The following KCNH7 variants were observed in gnomAD, a reference collection of about 807,000 sequenced individuals.
KCNH7 encodes potassium voltage-gated channel subfamily H member 7.
A neutral mutation model predicts 120.8 loss-of-function variants in KCNH7; 49 were observed. The ratio of observed to expected loss-of-function variants is 0.41; its 90% CI spans 0.32 to 0.51. KCNH7 has a LOEUF of 0.51. Among genes scored for constraint, KCNH7 ranks in the 20% least tolerant of loss-of-function variants. The pLI, the probability that KCNH7 is intolerant of heterozygous loss-of-function variation, is 0.38. For missense variants in KCNH7, 1,097 were observed against 1,446.6 expected (o/e 0.76, Z 3.92); for synonymous variants, 547 against 516.1 (o/e 1.06, Z -0.81).
At chr2:162,698,047 A>G (rs1686353808) in intron 2 of KCNH7, among the ~76,000 whole-genome samples, 1 of 152,178 alleles carries the variant, frequency 6.6e-6, no homozygotes, top group African/African-American at 2.4e-5. Flanking sequence ...ATTGGATTCA[A>G]CATTCACATA....
chr2:162,468,019 G>T (rs1054014631), intron 6 of KCNH7, among the ~76,000 whole-genome samples: 1 of 152,074 alleles, frequency 6.6e-6, no homozygotes, highest in Admixed American at 6.6e-5. Flanking sequence ...GGGAAGTAGG[G>T]TTCATCATAG....
At chr2:162,430,625 T>A (rs1451597093) in intron 8 of KCNH7, among the ~76,000 whole-genome samples, 1 of 152,072 alleles carries the variant, frequency 6.6e-6, no homozygotes, top group Non-Finnish European at 1.5e-5. Context: ...ACTTCCCTAT[T>A]AATTTTCCAG....
At chr2:162,726,646 C>T (rs1559102480) in intron 2 of KCNH7, among the ~76,000 whole-genome samples, 1 of 152,142 alleles carries the variant, frequency 6.6e-6, no homozygotes, top group Admixed American at 6.5e-5. Context: ...TCTTGAACTC[C>T]TAACCTCAAG....
chr2:162,554,664 CAT>C, intron 2 of KCNH7, among the ~76,000 whole-genome samples: 1 of 152,128 alleles, frequency 6.6e-6, no homozygotes, highest in Non-Finnish European at 1.5e-5. Context: ...TCTGTCATCA[CAT>C]CTCCTTCCCT....
intron 2 of KCNH7, among the ~76,000 whole-genome samples, chr2:162,639,443 T>C (rs1288215550): frequency 6.6e-6 from 1 of 152,116 alleles, no homozygotes; most frequent in African/African-American, 2.4e-5. Flanking sequence ...AAGGTAACAC[T>C]ACTAGAAATG....
intron 2 of KCNH7, among the ~76,000 whole-genome samples, chr2:162,745,781 G>C (rs570835486): frequency 2.6e-5 from 4 of 151,830 alleles, no homozygotes; most frequent in Admixed American, 6.6e-5. Context: ...GCATGTATTA[G>C]ATAAAACATC....
chr2:162,469,875 T>G (rs1689440520), intron 6 of KCNH7, among the ~76,000 whole-genome samples: 1 of 152,150 alleles, frequency 6.6e-6, no homozygotes, highest in Non-Finnish European at 1.5e-5. Context: ...CCTGACTGGT[T>G]TTCATATTTT....
intron 2 of KCNH7, among the ~76,000 whole-genome samples, chr2:162,790,106 GAA>G (rs1683872600): frequency 6.7e-6 from 1 of 150,370 alleles, no homozygotes; most frequent in Admixed American, 6.6e-5. Context: ...GATTATCTAA[GAA>G]AAAAGAGATG....
chr2:162,555,674 T>C (rs570502994), intron 2 of KCNH7, among the ~76,000 whole-genome samples: 6 of 152,274 alleles, frequency 3.9e-5, no homozygotes, highest in African/African-American at 7.2e-5. Flanking sequence ...GAGCTGATAA[T>C]ATGGGATTCT....
At chr2:162,672,814 G>T (rs1685404322) in intron 2 of KCNH7, among the ~76,000 whole-genome samples, 1 of 151,682 alleles carries the variant, frequency 6.6e-6, no homozygotes. Flanking sequence ...CAATAAAATA[G>T]GCAAATTCTA....
chr2:162,776,302 G>A (rs939003269), intron 2 of KCNH7, among the ~76,000 whole-genome samples: 2 of 152,088 alleles, frequency 1.3e-5, no homozygotes, highest in Admixed American at 6.6e-5. Flanking sequence ...TCTTCAAGTC[G>A]AGGGAGGCCA....
At chr2:162,392,289 T>TGC (rs964156392) in intron 12 of KCNH7, among the ~76,000 whole-genome samples, 1 of 151,756 alleles carries the variant, frequency 6.6e-6, no homozygotes, top group Non-Finnish European at 1.5e-5. Context: ...TGTGTGTGTG[T>TGC]GCGCATGTGT....
chr2:162,496,777 C>T (rs1690512144), intron 6 of KCNH7, among the ~76,000 whole-genome samples: 1 of 151,988 alleles, frequency 6.6e-6, no homozygotes, highest in Admixed American at 6.6e-5. Flanking sequence ...ATTTTAAAAC[C>T]ATGAAATTAT....
At chr2:162,709,753 T>C (rs1197464069) in intron 2 of KCNH7, among the ~76,000 whole-genome samples, 1 of 152,180 alleles carries the variant, frequency 6.6e-6, no homozygotes, top group African/African-American at 2.4e-5. Flanking sequence ...TAGCCATCAT[T>C]GCCTCTGCAA....
intron 2 of KCNH7, among the ~76,000 whole-genome samples, chr2:162,586,969 C>G (rs1024100267): frequency 6.6e-6 from 1 of 152,050 alleles, no homozygotes; most frequent in African/African-American, 2.4e-5. Context: ...ATACACTGCA[C>G]ACATATATTT....
At chr2:162,429,035 T>C (rs1687968319) in intron 8 of KCNH7, among the ~76,000 whole-genome samples, 2 of 151,924 alleles carry the variant, frequency 1.3e-5, no homozygotes, top group Admixed American at 1.3e-4. Context: ...ATCTTGCTAT[T>C]TGTTTTCTGC....
At chr2:162,428,650 T>G (rs1398696106) in intron 8 of KCNH7, among the ~76,000 whole-genome samples, 1 of 151,952 alleles carries the variant, frequency 6.6e-6, no homozygotes, top group South Asian at 2.1e-4. Context: ...ATTATGAATT[T>G]GTCTTGTGAA....
At chr2:162,452,137 C>T (rs913597810) in intron 6 of KCNH7, among the ~76,000 whole-genome samples, 12 of 151,904 alleles carry the variant, frequency 7.9e-5, no homozygotes, top group Admixed American at 7.9e-4. Flanking sequence ...TGGGCTTTGC[C>T]TCAGAACAAT....
intron 6 of KCNH7, among the ~76,000 whole-genome samples, chr2:162,474,608 A>T (rs1689670169): frequency 6.6e-6 from 1 of 152,228 alleles, no homozygotes; most frequent in East Asian, 1.9e-4. Flanking sequence ...AAAAGATGTC[A>T]TTACTATGTT....
Sources: allele counts gnomAD v4.1 joint callset (sites outside exome capture counted in the v4.1 genomes callset), GRCh38; gene constraint gnomAD v4.1.1; transcripts MANE v1.5; gene names NCBI Gene and HGNC (gene_info 2026-07-23, HGNC 2026-07-21).